OLFML2A: variants seen among roughly 807,000 people sequenced by gnomAD.
The protein encoded by OLFML2A is olfactomedin-like protein 2A.
Under a neutral mutation model 60.9 loss-of-function variants are expected in OLFML2A, and 47 were observed. The ratio of observed to expected loss-of-function variants is 0.77; its 90% CI spans 0.61 to 0.98. OLFML2A has a LOEUF of 0.98. Among genes scored for constraint, OLFML2A ranks in the 50% least tolerant of loss-of-function variants. The pLI is 0.00. For synonymous variants in OLFML2A, 372 were observed against 375.0 expected (o/e 0.99, Z 0.09); for missense variants, 922 against 879.8 (o/e 1.05, Z -0.61).
intron 1 of OLFML2A, among the ~76,000 whole-genome samples, chr9:124,778,098 G>A (rs1841291465): frequency 6.6e-6 from 1 of 152,012 alleles, no homozygotes; most frequent in African/African-American, 2.4e-5. Flanking sequence ...GGTGGCTCAC[G>A]CCTGTAATCC....
At chr9:124,784,503 G>A (rs1458859449) in intron 1 of OLFML2A, among the ~76,000 whole-genome samples, 1 of 152,026 alleles carries the variant, frequency 6.6e-6, no homozygotes, top group Non-Finnish European at 1.5e-5. Context: ...TGCCCGGCCA[G>A]AGATATTATT....
At position 124,801,423 on chromosome 9, in the gene OLFML2A, A is replaced by T. The variant is rs1482671812; in HGVS notation, c.679A>T (p.Arg227Ter). 1 of 1,613,942 alleles carries T rather than the reference A, an allele frequency of 6.2e-7. No individual in the cohort carries two copies. The highest frequency in any genetic ancestry group is 1.3e-5 in the African/African-American group (1 of 74,902). The part of the protein sequence containing the change: ...GTGSKAQDTA[R>*]GKGKDISKYG... ...TTCTCTTCCCTCCCAGGACACAGCT[A>T]GAGGAAAAGGCAAGGACATCAGCAA... is the stretch of plus-strand genomic sequence containing the variant. Residue 227 changes from arginine to a stop codon, truncating the protein, a stop_gained, in exon 5 of 8, where the codon AGA becomes TGA. Coordinates refer to ENST00000373580, the MANE Select transcript of OLFML2A (RefSeq NM_182487.4). LOFTEE classifies it high-confidence loss of function.
chr9:124,804,104 C>CTCTG lies in OLFML2A; in HGVS notation c.930_931insTCTG (p.Gln311SerfsTer30). 6.2e-7 allele frequency: 1 copy of CTCTG among 1,614,108 alleles called. No individual in the cohort carries two copies. On this transcript the variant is annotated frameshift_variant, in exon 6 of 8. Transcript: ENST00000373580. LOFTEE classifies it high-confidence loss of function. Reference sequence around the variant, plus strand: ...GTCTTCTCTCTGCAGACAACACCCTCCAGGGCACTTCCTGGCTGGAGCAAC... The same window carrying CTCTG: ...GTCTTCTCTCTGCAGACAACACCCTCTCTGCAGGGCACTTCCTGGCTGGAGCAAC...
chr9:124,786,857 CCAAA>C, intron 1 of OLFML2A, 114 bp from the exon 2 acceptor site: 1 of 990,254 alleles, frequency 1.0e-6, no homozygotes, highest in South Asian at 1.5e-5. Context: ...CTCCTACCTG[CCAAA>C]CACTCTCATC....
intron 2 of OLFML2A, among the ~76,000 whole-genome samples, chr9:124,794,688 C>T (rs1421280619): frequency 6.6e-6 from 1 of 152,158 alleles, no homozygotes; most frequent in African/African-American, 2.4e-5. Flanking sequence ...GTGGCGTGAT[C>T]TCGGCTCACT....
intron 6 of OLFML2A, among the ~76,000 whole-genome samples, chr9:124,805,164 T>C (rs570325703): frequency 2.0e-5 from 3 of 152,322 alleles, no homozygotes; most frequent in African/African-American, 2.4e-5. Context: ...GAAATCTTCC[T>C]CGTTAAGTCA....
chr9:124,801,456 A>C lies in OLFML2A; in HGVS notation c.712A>C (p.Ser238Arg). 3 of 1,614,096 alleles carry C rather than the reference A, an allele frequency of 1.9e-6. No individual in the cohort carries two copies. The highest frequency in any genetic ancestry group is 2.5e-6 in the Non-Finnish European group (3 of 1,179,976). Residue 238 changes from serine (S) to arginine (R), a missense_variant, in exon 5 of 8, where the codon AGT becomes CGT. By Grantham distance (110) the Ser-to-Arg change is moderately radical. Coordinates refer to ENST00000373580, the MANE Select transcript of OLFML2A (RefSeq NM_182487.4). ...GKGKDISKYG[S>R]VQKSFADRGL... ...AGGCAAGGACATCAGCAAGTATGGC[A>C]GTGTGCAGAAAAGCTTTGCAGACAG...
intron 6 of OLFML2A, among the ~76,000 whole-genome samples, chr9:124,806,444 A>G (rs1476273021): frequency 6.6e-6 from 1 of 152,056 alleles, no homozygotes; most frequent in Non-Finnish European, 1.5e-5. Flanking sequence ...TTAGCAATCA[A>G]AATTCAAGTA....
At chr9:124,793,946 G>A (rs1486329916) in intron 2 of OLFML2A, among the ~76,000 whole-genome samples, 1 of 152,196 alleles carries the variant, frequency 6.6e-6, no homozygotes, top group Non-Finnish European at 1.5e-5. Context: ...GGCTGAGGTG[G>A]GAGGATTGCT....
rs750373492 is a variant in OLFML2A at position 124,787,078 on chromosome 9, G to A, written c.194G>A (p.Arg65His). The A allele has an allele frequency of 1.1e-5, 18 of 1,614,006 alleles. No individual in the cohort carries two copies. The Admixed American group carries it at 1.3e-4, about 12-fold the overall frequency. The change falls in exon 2 of 8, where the codon CGC becomes CAC. Residue 65 changes from arginine to histidine, a missense_variant. Physicochemically the swap from Arg to His is conservative, Grantham distance 29. Transcript: ENST00000373580. ...PLSKDACSRV[R>H]SGRARVEDFY... ...AGCAAGGACGCGTGTAGCCGAGTGC[G>A]CAGTGGGCGGGCACGCGTGGAGGAC...
chr9:124,805,808 G>GTTTTTTTTTTTTTT (rs59555267), intron 6 of OLFML2A, among the ~76,000 whole-genome samples: 5 of 71,260 alleles, frequency 7.0e-5, no homozygotes, highest in Non-Finnish European at 1.0e-4. Flanking sequence ...GGTTTTTTTG[G>GTTTTTTTTTTTTTT]TTTTTTTTTT....
In OLFML2A at chr9:124,807,786, G is replaced by T. The variant is rs1205767668; in HGVS notation, c.1174G>T (p.Glu392Ter). ...SGPEVSSQGR[E>*]ASCEGTLRAV... Reference sequence around the variant, plus strand: ...GCCTGCCCTCCTCCCCACAGGCAGAGAGGCGAGCTGTGAGGGCACCCTCCG... The same window carrying T: ...GCCTGCCCTCCTCCCCACAGGCAGATAGGCGAGCTGTGAGGGCACCCTCCG... The change falls in exon 7 of 8, where the codon GAG becomes TAG. Residue 392 changes from glutamate (E) to a stop codon, truncating the protein, a stop_gained. Transcript: ENST00000373580. LOFTEE classifies it high-confidence loss of function. The T allele has an allele frequency of 6.2e-7, 1 of 1,610,516 alleles. No individual in the cohort carries two copies. Among genetic ancestry groups the T allele is most frequent in the Non-Finnish European group, 8.5e-7 (1 of 1,178,946 alleles).
intron 2 of OLFML2A, 90 bp downstream of exon 2, chr9:124,787,328 G>A (rs903961562): frequency 8.5e-6 from 11 of 1,290,300 alleles, no homozygotes; most frequent in Non-Finnish European, 1.2e-5. Context: ...CACTCTGTGA[G>A]GCGAGTGGTG....
intron 1 of OLFML2A, among the ~76,000 whole-genome samples, chr9:124,780,540 C>T (rs747854252): frequency 2.0e-5 from 3 of 152,204 alleles, no homozygotes; most frequent in Non-Finnish European, 4.4e-5. Flanking sequence ...GCTTCGCCTC[C>T]GCTCCGGGAG....
chr9:124,790,228 C>T (rs976235986), intron 2 of OLFML2A, among the ~76,000 whole-genome samples: 3 of 151,888 alleles, frequency 2.0e-5, no homozygotes, highest in Admixed American at 6.6e-5. Context: ...AGTGCAATGG[C>T]GCGATCTCAG....
intron 2 of OLFML2A, among the ~76,000 whole-genome samples, chr9:124,794,436 C>A (rs535526701): frequency 5.3e-5 from 8 of 152,136 alleles, no homozygotes; most frequent in Non-Finnish European, 1.2e-4. Context: ...GAGGTTGTTA[C>A]AATGATTAAT....
Position 124,779,269 on chromosome 9 carries a change from C to A in OLFML2A, c.90+1909C>A, listed in dbSNP as rs1195962497. 6.6e-6 allele frequency among the ~76,000 whole-genome samples: 1 copy of A among 152,164 alleles called. No homozygotes were observed. Among genetic ancestry groups the A allele is most frequent in the Admixed American group, 6.5e-5 (1 of 15,278 alleles). ...AGTTTCTTCATCTAAGAAACATCTC[C>A]CCAACCTTCCTTCCATATGGGGCCC... On this transcript the variant is annotated intron_variant, in intron 1 of 7. Coordinates refer to ENST00000373580, the MANE Select transcript of OLFML2A (RefSeq NM_182487.4). The surrounding 1 kb of genome is among the most constrained non-coding windows in gnomAD (Gnocchi z 4.1).
intron 1 of OLFML2A, among the ~76,000 whole-genome samples, chr9:124,785,797 A>G (rs1221888275): frequency 3.9e-5 from 6 of 152,242 alleles, no homozygotes; most frequent in East Asian, 3.9e-4. Context: ...GGAATCGCCA[A>G]ACTTTTTCAC....
In OLFML2A at chr9:124,779,078, T is replaced by C. The variant is rs1278907835; in HGVS notation, c.90+1718T>C. ...CCCACGTACAACGCTGCTCATGTAC[T>C]CCAGAGACAAGGAGGGAATGAGTAT... On this transcript the variant is annotated intron_variant, in intron 1 of 7. Coordinates refer to ENST00000373580, the MANE Select transcript of OLFML2A (RefSeq NM_182487.4). This position sits in a 1 kb window ranked among gnomAD's most constrained non-coding sequence, Gnocchi z 4.1. 1 of 330,812 alleles carries C rather than the reference T, an allele frequency of 3.0e-6. No homozygotes were observed. Among genetic ancestry groups the C allele is most frequent in the Admixed American group, 6.5e-5 (1 of 15,494 alleles). The allele number at this position is 330,812 out of a possible 1,614,324, so 20.5% of individuals were successfully genotyped here. A position where few individuals can be genotyped will look rare whatever the true frequency, so the allele number is the denominator to read the frequency against.
Sources: gnomAD v4.1 joint callset for allele counts (sites outside exome capture counted in the v4.1 genomes callset) on GRCh38, gnomAD v4.1.1 for gene constraint, Gnocchi (gnomAD v3.1) non-coding constraint, MANE v1.5 for transcripts, NCBI Gene and HGNC (gene_info 2026-07-23, HGNC 2026-07-21) for gene names.